The following TTC1 variants were observed in gnomAD, a reference collection of about 807,000 sequenced individuals.
TTC1 encodes the protein tetratricopeptide repeat protein 1.
Under a neutral mutation model 37.6 loss-of-function variants are expected in TTC1, and 31 were observed. The observed-to-expected ratio is 0.82, with a 90% CI of 0.62 to 1.11. The LOEUF (loss-of-function observed/expected upper bound fraction) is 1.11. TTC1 is among the 50% of genes most tolerant of loss of function. TTC1 has a pLI of 0.00. For synonymous variants in TTC1, 127 were observed against 122.4 expected, an observed-to-expected ratio of 1.04 and a Z score of -0.25; for missense variants, 351 against 339.0, an observed-to-expected ratio of 1.04 and a Z score of -0.28.
At chr5:160,021,925 C>T (rs937075324) in intron 2 of TTC1, among the ~76,000 whole-genome samples, 1 of 152,030 alleles carries the variant, frequency 6.6e-6, no homozygotes, top group Non-Finnish European at 1.5e-5. Flanking sequence ...TTTACTCCAG[C>T]TATTGATCTC....
intron 2 of TTC1, among the ~76,000 whole-genome samples, chr5:160,032,657 T>TGCATTC (rs1756930676): frequency 1.3e-5 from 2 of 151,378 alleles, no homozygotes; most frequent in Non-Finnish European, 1.5e-5. Context: ...CTAAAAGACA[T>TGCATTC]GCATTCTGCT....
intron 7 of TTC1, among the ~76,000 whole-genome samples, chr5:160,056,843 T>G (rs1050374891): frequency 2.0e-5 from 3 of 152,212 alleles, no homozygotes; most frequent in Non-Finnish European, 4.4e-5. Flanking sequence ...ACCTGGACAT[T>G]GTGTGCTTTT....
At chr5:160,043,975 G>A (rs1349665428) in intron 5 of TTC1, among the ~76,000 whole-genome samples, 1 of 152,114 alleles carries the variant, frequency 6.6e-6, no homozygotes, top group Non-Finnish European at 1.5e-5. Context: ...TTTTGGGGTT[G>A]TTTTGTTTTG....
intron 7 of TTC1, among the ~76,000 whole-genome samples, chr5:160,055,028 C>T (rs560440688): frequency 6.6e-6 from 1 of 152,230 alleles, no homozygotes; most frequent in South Asian, 2.1e-4. Context: ...GAGTGCCTTC[C>T]TGGGGGTTGG....
At chr5:160,017,012 G>A (rs1377800897) in intron 2 of TTC1, among the ~76,000 whole-genome samples, 5 of 152,182 alleles carry the variant, frequency 3.3e-5, no homozygotes, top group African/African-American at 1.2e-4. Flanking sequence ...GTGTATTCGT[G>A]TGTTTATTTC....
intron 5 of TTC1, among the ~76,000 whole-genome samples, chr5:160,049,286 A>G (rs1375898994): frequency 6.6e-6 from 1 of 152,174 alleles, no homozygotes; most frequent in Non-Finnish European, 1.5e-5. Flanking sequence ...TCGTGCTACA[A>G]TAGTATCATT....
chr5:160,033,302 T>A (rs756974993), intron 2 of TTC1, among the ~76,000 whole-genome samples: 10 of 152,322 alleles, frequency 6.6e-5, no homozygotes, highest in Middle Eastern at 3.4e-3. Context: ...AAATGAATTG[T>A]TATTTGTACC....
chr5:160,065,311 CT>C lies in TTC1; in HGVS notation c.*247del, dbSNP rs905572479. ...GTGCAGCTGGTGTCCCCGATTCTGG[CT>C]GTCCTATGTCCAGGAAGAAGCCCAT... is the stretch of plus-strand genomic sequence containing the variant. On this transcript the variant is annotated 3_prime_UTR_variant, in exon 8 of 8. Coordinates refer to ENST00000231238, the MANE Select transcript of TTC1 (RefSeq NM_003314.3). The C allele has an allele frequency of 1.9e-5, 12 of 632,050 alleles. No individual in the cohort carries two copies. The highest frequency in any genetic ancestry group is 3.2e-5 in the Non-Finnish European group (11 of 347,308). The allele number at this position is 632,050 out of a possible 1,614,324, so 39.2% of individuals were successfully genotyped here. A position where few individuals can be genotyped will look rare whatever the true frequency, so the allele number is the denominator to read the frequency against.
At chr5:160,009,320 C>A (rs983045387) in intron 1 of TTC1, 127 bp downstream of exon 1, 1 of 152,142 alleles carries the variant, frequency 6.6e-6, no homozygotes, top group East Asian at 1.9e-4. Context: ...TTCCAGTAGA[C>A]CTGGGAGCGA....
At chr5:160,019,396 G>A (rs1581094133) in intron 2 of TTC1, among the ~76,000 whole-genome samples, 1 of 151,972 alleles carries the variant, frequency 6.6e-6, no homozygotes, top group East Asian at 1.9e-4. Flanking sequence ...GGATTTCCAT[G>A]TTTCTGCCAC....
intron 2 of TTC1, among the ~76,000 whole-genome samples, chr5:160,029,960 C>G (rs1334513840): frequency 1.3e-5 from 2 of 152,146 alleles, no homozygotes; most frequent in Non-Finnish European, 2.9e-5. Flanking sequence ...CTCTTCTGCC[C>G]AGGTCTGAGG....
intron 2 of TTC1, 76 bp downstream of exon 2, chr5:160,010,934 C>G (rs939992142): frequency 7.5e-7 from 1 of 1,329,818 alleles, no homozygotes; most frequent in Non-Finnish European, 1.0e-6. Flanking sequence ...GTATCATAGA[C>G]CACCTCATCT....
intron 7 of TTC1, among the ~76,000 whole-genome samples, chr5:160,064,120 C>G (rs904151324): frequency 4.6e-5 from 7 of 152,086 alleles, no homozygotes; most frequent in African/African-American, 1.7e-4. Context: ...AGGCGTATGC[C>G]ACCACCCTCA....
chr5:160,056,392 A>G (rs1441720652), intron 7 of TTC1, among the ~76,000 whole-genome samples: 1 of 152,204 alleles, frequency 6.6e-6, no homozygotes, highest in African/African-American at 2.4e-5. Context: ...ATGAGGGCAC[A>G]TTGTGAGCTG....
chr5:160,029,614 G>C (rs975536013), intron 2 of TTC1, among the ~76,000 whole-genome samples: 1 of 151,988 alleles, frequency 6.6e-6, no homozygotes, highest in African/African-American at 2.4e-5. Flanking sequence ...CTTTAGCCTG[G>C]GTAGTAAAGC....
intron 2 of TTC1, among the ~76,000 whole-genome samples, chr5:160,023,445 C>T (rs1756747728): frequency 6.6e-6 from 1 of 152,146 alleles, no homozygotes; most frequent in South Asian, 2.1e-4. Flanking sequence ...GCATAAGCCA[C>T]CACGCCCAGC....
chr5:160,041,543 C>T (rs1757093052), intron 4 of TTC1, among the ~76,000 whole-genome samples: 1 of 151,974 alleles, frequency 6.6e-6, no homozygotes, highest in South Asian at 2.1e-4. Flanking sequence ...GAACTCCTGA[C>T]CTCAGGTGAT....
chr5:160,045,838 G>A (rs955607142), intron 5 of TTC1, among the ~76,000 whole-genome samples: 1 of 152,006 alleles, frequency 6.6e-6, no homozygotes, highest in Non-Finnish European at 1.5e-5. Flanking sequence ...TGCCTCCCAG[G>A]TTCAAGCGAC....
At chr5:160,044,382 C>T (rs929476255) in intron 5 of TTC1, among the ~76,000 whole-genome samples, 2 of 152,204 alleles carry the variant, frequency 1.3e-5, no homozygotes, top group African/African-American at 4.8e-5. Flanking sequence ...ATAGGCAGAG[C>T]AGCAATGTGG....
Sources: gnomAD v4.1 joint callset for allele counts (sites outside exome capture counted in the v4.1 genomes callset) on GRCh38, gnomAD v4.1.1 for gene constraint, MANE v1.5 for transcripts, NCBI Gene and HGNC (gene_info 2026-07-23, HGNC 2026-07-21) for gene names.